Variants in DAG1 observed in about 807,000 individuals in gnomAD.
DAG1 encodes the protein dystroglycan 1 (dystrophin-associated glycoprotein 1).
A neutral mutation model predicts 46.1 loss-of-function variants in DAG1; 8 were observed. The ratio of observed to expected loss-of-function variants is 0.17; its 90% CI spans 0.10 to 0.31. DAG1 has a LOEUF of 0.31. Ranked by LOEUF, DAG1 falls within the 10% of genes least tolerant of loss-of-function variation. The probability of loss-of-function intolerance (pLI) is 1.00; values close to 1 mark genes in which losing one functional copy is unlikely to be tolerated. For missense variants in DAG1, 1,003 were observed against 1,189.9 expected (o/e 0.84, Z 2.31); for synonymous variants, 495 against 481.8 (o/e 1.03, Z -0.36).
rs115793087 is a variant in DAG1 at position 49,518,989 on chromosome 3, T to C, written c.285+8170T>C. 2.0e-3 allele frequency among the ~76,000 whole-genome samples: 305 copies of C among 152,288 alleles called. 1 individual carries two copies. Among genetic ancestry groups the C allele is most frequent in the African/African-American group, 6.6e-3 (275 of 41,554 alleles). On this transcript the variant is annotated intron_variant, in intron 2 of 2. Coordinates refer to ENST00000308775, the MANE Select transcript of DAG1 (RefSeq NM_004393.6). ...CTGTCCTTGGCTCTCACAGCTACTT[T>C]TGGAGCTGAGAGGACCCTTTCTCCT...
At chr3:49,522,116 G>A (rs1483971271) in intron 2 of DAG1, among the ~76,000 whole-genome samples, 5 of 149,718 alleles carry the variant, frequency 3.3e-5, no homozygotes, top group Non-Finnish European at 7.4e-5. Flanking sequence ...TGCAACTTCC[G>A]CCTCCCGGGT....
chr3:49,490,376 T>A (rs2050150988), intron 1 of DAG1, among the ~76,000 whole-genome samples: 1 of 151,346 alleles, frequency 6.6e-6, no homozygotes, highest in African/African-American at 2.4e-5. Flanking sequence ...TTTTTTTTTT[T>A]TATATAACTT....
intron 1 of DAG1, among the ~76,000 whole-genome samples, chr3:49,481,190 C>G (rs1212685187): frequency 2.8e-4 from 41 of 147,688 alleles, no homozygotes; most frequent in East Asian, 2.7e-3. Context: ...GAGATGGAGA[C>G]CGTCCTGGCT....
intron 1 of DAG1, among the ~76,000 whole-genome samples, chr3:49,482,335 A>G (rs1006046100): frequency 1.3e-5 from 2 of 152,186 alleles, no homozygotes; most frequent in Non-Finnish European, 2.9e-5. Flanking sequence ...TAAAGGGTCT[A>G]TGCTGAGGTG....
rs887778957 is a variant in DAG1, at chr3:49,533,347, C to T, written c.*148C>T. 5.6e-6 allele frequency: 7 copies of T among 1,240,458 alleles called. No homozygotes were observed. Among genetic ancestry groups the T allele is most frequent in the Non-Finnish European group, 6.8e-6 (6 of 876,838 alleles). 76.8% of individuals were successfully genotyped at this position (1,240,458 alleles called of 1,614,324 possible). A position where few individuals can be genotyped will look rare whatever the true frequency, so the allele number is the denominator to read the frequency against. ...ACTGACACAGGGGCCTGGACAAGCC[C>T]GCCCTCTCTGGTCCTCCCAAACCCC... On this transcript the variant is annotated 3_prime_UTR_variant, in exon 3 of 3. Coordinates refer to ENST00000308775, the MANE Select transcript of DAG1 (RefSeq NM_004393.6).
At chr3:49,513,057 T>A (rs1461208758) in intron 2 of DAG1, among the ~76,000 whole-genome samples, 1 of 152,176 alleles carries the variant, frequency 6.6e-6, no homozygotes, top group Non-Finnish European at 1.5e-5. Context: ...AAACAGTGGT[T>A]TAACTCAACC....
chr3:49,503,371 T>C (rs919941536), intron 1 of DAG1, among the ~76,000 whole-genome samples: 2 of 152,262 alleles, frequency 1.3e-5, no homozygotes, highest in Non-Finnish European at 2.9e-5. Flanking sequence ...TTTTCTTCTC[T>C]GTGAATTACT....
chr3:49,469,464 C>T (rs993142151), upstream of DAG1, among the ~76,000 whole-genome samples: 1 of 152,086 alleles, frequency 6.6e-6, no homozygotes, highest in African/African-American at 2.4e-5. Flanking sequence ...AGGCAGCAAC[C>T]CCCCTCTCTT....
intron 1 of DAG1, among the ~76,000 whole-genome samples, chr3:49,480,788 G>T (rs2049856943): frequency 8.8e-6 from 1 of 113,858 alleles, no homozygotes. Context: ...TTGAGACGGA[G>T]TCTCGCTCTG....
intron 1 of DAG1, among the ~76,000 whole-genome samples, chr3:49,471,261 G>A (rs957365668): frequency 5.3e-5 from 8 of 152,186 alleles, no homozygotes; most frequent in African/African-American, 1.9e-4. Flanking sequence ...CTAAATAAGC[G>A]AGTAGAAGTG....
At position 49,531,827 on chromosome 3, in the gene DAG1, C is replaced by T; in HGVS notation, c.1316C>T (p.Thr439Ile). The T allele has an allele frequency of 6.2e-7, 1 of 1,614,048 alleles. No individual in the cohort carries two copies. The highest frequency in any genetic ancestry group is 1.1e-5 in the South Asian group (1 of 91,052). ...ACACCAAAACCAGCAACGCCTTCAA[C>T]TGACTCCACCACCACCACGACTCGC... ...VSTPKPATPSTDSTTTTTRRP... is the reference protein window; with the variant it reads ...VSTPKPATPSIDSTTTTTRRP... The change falls in exon 3 of 3, where the codon ACT becomes ATT. Residue 439 changes from threonine to isoleucine, a missense_variant. Thr to Ile is a moderately conservative substitution (Grantham distance 89). Coordinates refer to ENST00000308775, the MANE Select transcript of DAG1 (RefSeq NM_004393.6). The surrounding 1 kb of genome is among the most constrained non-coding windows in gnomAD (Gnocchi z 7.0).
chr3:49,510,432 C>A lies in DAG1; in HGVS notation c.-103C>A. On this transcript the variant is annotated 5_prime_UTR_variant, in exon 2 of 3. Coordinates refer to ENST00000308775, the MANE Select transcript of DAG1 (RefSeq NM_004393.6). ...TTTTTTTTTCAGGCTCTGTGTGCTC[C>A]GGGATGGAGCAGGTGTGCAGAGGGT... is the stretch of plus-strand genomic sequence containing the variant. 6.1e-6 allele frequency: 7 copies of A among 1,140,578 alleles called. No individual in the cohort carries two copies. The highest frequency in any genetic ancestry group is 9.2e-6 in the Non-Finnish European group (7 of 760,744). 70.7% of individuals were successfully genotyped at this position (1,140,578 alleles called of 1,614,324 possible).
chr3:49,471,190 G>A (rs1421743288), intron 1 of DAG1: 2 of 152,216 alleles, frequency 1.3e-5, no homozygotes, highest in African/African-American at 2.4e-5. Context: ...GTTGAGGCAA[G>A]AGCCTGGGAC....
chr3:49,478,183 T>C (rs764932807), intron 1 of DAG1, among the ~76,000 whole-genome samples: 29 of 149,646 alleles, frequency 1.9e-4, no homozygotes, highest in African/African-American at 6.9e-4. Context: ...AGGAGAATTG[T>C]TTGAATCTTG....
intron 1 of DAG1, among the ~76,000 whole-genome samples, chr3:49,477,585 C>T (rs1180053135): frequency 3.9e-5 from 6 of 152,214 alleles, no homozygotes; most frequent in African/African-American, 9.6e-5. Context: ...TGAGCCTCCG[C>T]ACCTGACTTA....
At chr3:49,489,171 C>T (rs181270015) in intron 1 of DAG1, among the ~76,000 whole-genome samples, 1 of 151,954 alleles carries the variant, frequency 6.6e-6, no homozygotes, top group Non-Finnish European at 1.5e-5. Context: ...TCTTGGCTCA[C>T]CGCAACCTCT....
At chr3:49,485,313 A>C (rs1198234827) in intron 1 of DAG1, among the ~76,000 whole-genome samples, 1 of 152,194 alleles carries the variant, frequency 6.6e-6, no homozygotes, top group Non-Finnish European at 1.5e-5. Context: ...GCTGGAGTGC[A>C]GTGGTGCGAT....
At chr3:49,521,818 A>G (rs1408214751) in intron 2 of DAG1, among the ~76,000 whole-genome samples, 1 of 151,110 alleles carries the variant, frequency 6.6e-6, no homozygotes, top group Non-Finnish European at 1.5e-5. Context: ...GTCATTGGTC[A>G]TGGTGATTTA....
At chr3:49,514,898 C>T (rs551058436) in intron 2 of DAG1, among the ~76,000 whole-genome samples, 16 of 151,734 alleles carry the variant, frequency 1.1e-4, no homozygotes, top group African/African-American at 3.4e-4. Context: ...CTTGCTCTTT[C>T]GTCCAGGCTG....
Sources: gnomAD v4.1 joint callset for allele counts (sites outside exome capture counted in the v4.1 genomes callset) on GRCh38, gnomAD v4.1.1 for gene constraint, Gnocchi (gnomAD v3.1) non-coding constraint, MANE v1.5 for transcripts, NCBI Gene and HGNC (gene_info 2026-07-23, HGNC 2026-07-21) for gene names.